GFRA1: variants seen among roughly 807,000 people sequenced by gnomAD.
The protein encoded by GFRA1 is GDNF family receptor alpha-1.
Under a neutral mutation model 51.6 loss-of-function variants are expected in GFRA1, and 16 were observed. The observed-to-expected ratio is 0.31, with a 90% CI of 0.21 to 0.47. The LOEUF is 0.47. Among genes scored for constraint, GFRA1 ranks in the 20% least tolerant of loss-of-function variants. The probability of loss-of-function intolerance (pLI) is 1.00; values close to 1 mark genes in which losing one functional copy is unlikely to be tolerated. For synonymous variants in GFRA1, 270 were observed against 241.3 expected (o/e 1.12, Z -1.10); for missense variants, 530 against 594.3 (o/e 0.89, Z 1.13).
intron 5 of GFRA1, among the ~76,000 whole-genome samples, chr10:116,196,845 A>ATT (rs1251734343): frequency 1.1e-5 from 1 of 90,710 alleles, no homozygotes; most frequent in African/African-American, 3.7e-5. Flanking sequence ...ATATATATAT[A>ATT]TATTTTTTTT....
chr10:116,210,999 C>A (rs1965151269), intron 5 of GFRA1, among the ~76,000 whole-genome samples: 1 of 152,162 alleles, frequency 6.6e-6, no homozygotes, highest in African/African-American at 2.4e-5. Context: ...TGCTCTGCAT[C>A]CTAAGTGGGG....
intron 5 of GFRA1, among the ~76,000 whole-genome samples, chr10:116,210,035 C>A (rs76247753): frequency 1.3e-5 from 2 of 152,086 alleles, no homozygotes; most frequent in African/African-American, 4.8e-5. Context: ...TATTAAGTCT[C>A]GATAGCCAGT....
chr10:116,260,150 G>GC (rs1317840678), intron 4 of GFRA1, among the ~76,000 whole-genome samples: 2 of 152,190 alleles, frequency 1.3e-5, no homozygotes, highest in African/African-American at 2.4e-5. Flanking sequence ...CGTGGATGGG[G>GC]CGGACCCTTG....
At position 116,272,231 on chromosome 10, in the gene GFRA1, G is replaced by C. The variant is rs1002580257; in HGVS notation, c.-202C>G. 1 of 620,396 alleles carries C rather than the reference G, an allele frequency of 1.6e-6. No homozygotes were observed. The highest frequency in any genetic ancestry group is 2.9e-6 in the Non-Finnish European group (1 of 348,788). The allele number at this position is 620,396 out of a possible 1,614,324, so 38.4% of individuals were successfully genotyped here. A position where few individuals can be genotyped will look rare whatever the true frequency, so the allele number is the denominator to read the frequency against. On this transcript the variant is annotated 5_prime_UTR_variant, in exon 2 of 11. Transcript: ENST00000355422. The surrounding 1 kb of genome is among the most constrained non-coding windows in gnomAD (Gnocchi z 4.4). ...CGGCGACTCAGCTCCGGGATGGCGAGGGCGGGAGGCGGTTCCGCTTTTAGG... is the reference window on the plus strand; with the variant it reads ...CGGCGACTCAGCTCCGGGATGGCGACGGCGGGAGGCGGTTCCGCTTTTAGG...
chr10:116,228,980 CAAAAAAAAAAAAAAAAA>C (rs57618028), intron 4 of GFRA1, among the ~76,000 whole-genome samples: 121 of 52,892 alleles, frequency 2.3e-3, no homozygotes, highest in African/African-American at 7.3e-3. Context: ...TACTCCATCT[CAAAAAAAAAAAAAAAAA>C]AAAAAAAAAA....
At position 116,093,727 on chromosome 10, in the gene GFRA1, A is replaced by G. The variant is rs1385046403; in HGVS notation, c.990T>C (p.Asn330=). 1 of 1,613,918 alleles carries G rather than the reference A, an allele frequency of 6.2e-7. No individual in the cohort carries two copies. Among genetic ancestry groups the G allele is most frequent in the Non-Finnish European group, 8.5e-7 (1 of 1,179,878 alleles). Residue 330 remains asparagine (N), a synonymous_variant, in exon 8 of 11, where the codon AAT becomes AAC. Transcript: ENST00000355422. ...NDLEECLKFL[N]FFKDNTCLKN... ...TAAGACATGTATTGTCCTTGAAGAA[A>G]TTCAAAAATTTCAAGCACTCTTCTA... is the stretch of plus-strand genomic sequence containing the variant.
chr10:116,125,385 C>A lies in GFRA1; in HGVS notation c.606G>T (p.Lys202Asn). The A allele has an allele frequency of 6.2e-7, 1 of 1,614,246 alleles. No individual in the cohort carries two copies. Among genetic ancestry groups the A allele is most frequent in the Non-Finnish European group, 8.5e-7 (1 of 1,180,058 alleles). The change falls in exon 6 of 11, where the codon AAG becomes AAT. Residue 202 changes from lysine (K) to asparagine (N), a missense_variant. Coordinates refer to ENST00000355422, the MANE Select transcript of GFRA1 (RefSeq NM_005264.8). ...TTCCGTAGCTGTGCTTGGCCGGGAC[C>A]TTGTCAAAGAACTGCCGGAGGGCCT... is the stretch of plus-strand genomic sequence containing the variant. ...CHKALRQFFD[K>N]VPAKHSYGML...
chr10:116,125,651 ATTGCCAGC>A, intron 5 of GFRA1, 94 bp from the exon 6 acceptor site: 1 of 972,916 alleles, frequency 1.0e-6, no homozygotes, highest in Non-Finnish European at 1.6e-6. Flanking sequence ...TTTATCTGGC[ATTGCCAGC>A]GGCTCTAGAA....
rs1955069866 is a variant in GFRA1 at position 116,065,630 on chromosome 10, G to C, written c.1198-4C>G. 3.7e-6 allele frequency: 6 copies of C among 1,611,650 alleles called. No homozygotes were observed. Among genetic ancestry groups the C allele is most frequent in the Non-Finnish European group, 5.1e-6 (6 of 1,178,262 alleles). ...CATTGGATTTCAGCTTCTGTGCCTG[G>C]AGAGGGACAAGAAAAAAAATGCTCA... On this transcript the variant is annotated splice_region_variant and splice_polypyrimidine_tract_variant and intron_variant, in intron 9 of 10. Transcript: ENST00000355422.
chr10:116,273,667 C>G (rs868406790), upstream of GFRA1, among the ~76,000 whole-genome samples: 11 of 64,466 alleles, frequency 1.7e-4, no homozygotes, highest in South Asian at 1.4e-3. Context: ...CTCTCTCTCT[C>G]TCTGTCTCTC....
chr10:116,189,402 C>T (rs1963046519), intron 5 of GFRA1, among the ~76,000 whole-genome samples: 1 of 152,132 alleles, frequency 6.6e-6, no homozygotes. Context: ...TTGGTGTATT[C>T]ATGTATGTTT....
At chr10:116,157,042 C>G (rs1043621246) in intron 5 of GFRA1, among the ~76,000 whole-genome samples, 7 of 152,216 alleles carry the variant, frequency 4.6e-5, no homozygotes, top group African/African-American at 1.7e-4. Context: ...GACTCAGCTG[C>G]AACCCGCATT....
chr10:116,088,582 T>C (rs374331823), intron 9 of GFRA1, among the ~76,000 whole-genome samples: 1 of 152,010 alleles, frequency 6.6e-6, no homozygotes, highest in East Asian at 1.9e-4. Flanking sequence ...AGTGACAGCA[T>C]CTCTCCTGCA....
intron 5 of GFRA1, among the ~76,000 whole-genome samples, chr10:116,182,904 G>A (rs1016470885): frequency 1.3e-5 from 2 of 152,184 alleles, no homozygotes; most frequent in Non-Finnish European, 2.9e-5. Flanking sequence ...ATCTCCAGAT[G>A]CTGGTTTCCC....
chr10:116,213,661 C>A (rs909461359), intron 4 of GFRA1, among the ~76,000 whole-genome samples: 2 of 152,178 alleles, frequency 1.3e-5, no homozygotes, highest in Non-Finnish European at 2.9e-5. Flanking sequence ...TCAGCTCCTA[C>A]AAAACCACAA....
chr10:116,092,096 T>TACACACACACACACACACACAC lies in GFRA1; in HGVS notation c.1015+1584_1015+1605dup, dbSNP rs58442181. On this transcript the variant is annotated intron_variant, in intron 8 of 10. Coordinates refer to ENST00000355422, the MANE Select transcript of GFRA1 (RefSeq NM_005264.8). ...AAAAGAGGAAATATACATACATACGTACACACACACACACACACACACACA... is the reference window on the plus strand; with the variant it reads ...AAAAGAGGAAATATACATACATACGTACACACACACACACACACACACACACACACACACACACACACACACA... Among the ~76,000 whole-genome samples, 28 of 138,204 alleles carry TACACACACACACACACACACAC rather than the reference T, an allele frequency of 2.0e-4. 1 individual carries two copies. In the South Asian group the frequency reaches 2.3e-3, roughly 12 times the overall value. The allele number at this position is 138,204 out of a possible 152,430, so 90.7% of individuals were successfully genotyped here.
chr10:116,224,818 G>C (rs1171921612), intron 4 of GFRA1, among the ~76,000 whole-genome samples: 2 of 152,160 alleles, frequency 1.3e-5, no homozygotes, highest in African/African-American at 4.8e-5. Flanking sequence ...CTTTAAATGG[G>C]TGAATTGTAC....
intron 2 of GFRA1, 48 bp from the exon 3 acceptor site, chr10:116,271,163 G>T (rs1215540111): frequency 1.2e-5 from 18 of 1,534,462 alleles, no homozygotes; most frequent in African/African-American, 2.7e-5. Context: ...CGGGGACCCC[G>T]GCCGCCCCTG....
intron 5 of GFRA1, among the ~76,000 whole-genome samples, chr10:116,148,080 G>GTGTGCA (rs1958902615): frequency 7.2e-6 from 1 of 138,038 alleles, no homozygotes; most frequent in African/African-American, 2.6e-5. Context: ...GTGTGCATGT[G>GTGTGCA]TGTGTGTGCA....
Sources: gnomAD v4.1 joint callset for allele counts (sites outside exome capture counted in the v4.1 genomes callset) on GRCh38, gnomAD v4.1.1 for gene constraint, Gnocchi (gnomAD v3.1) non-coding constraint, MANE v1.5 for transcripts, NCBI Gene and HGNC (gene_info 2026-07-23, HGNC 2026-07-21) for gene names.